The following CYP19A1 variants were observed in gnomAD, a reference collection of about 807,000 sequenced individuals.
The protein encoded by CYP19A1 is cytochrome P450 family 19 subfamily A member 1.
In CYP19A1, 32 loss-of-function variants were observed where a neutral mutation model predicts 44.4. The observed-to-expected ratio is 0.72, with a 90% CI of 0.54 to 0.97. The LOEUF is 0.97. CYP19A1 is among the 50% of genes least tolerant of loss of function. The pLI is 0.00. For missense variants in CYP19A1, 598 were observed against 637.8 expected (o/e 0.94, Z 0.67); for synonymous variants, 212 against 215.6 (o/e 0.98, Z 0.14).
At chr15:51,234,446 C>G (rs2033250967) in intron 3 of CYP19A1, among the ~76,000 whole-genome samples, 1 of 152,116 alleles carries the variant, frequency 6.6e-6, no homozygotes, top group East Asian at 1.9e-4. Context: ...GCGGAGTGGT[C>G]AGATGCCACC....
chr15:51,325,730 T>G (rs991102896), intron 1 of CYP19A1, among the ~76,000 whole-genome samples: 4 of 149,424 alleles, frequency 2.7e-5, no homozygotes, highest in Non-Finnish European at 5.9e-5. Context: ...CCCAGCTACT[T>G]GGGAGACTGA....
intron 1 of CYP19A1, among the ~76,000 whole-genome samples, chr15:51,304,269 C>T (rs1195203585): frequency 6.6e-6 from 1 of 152,168 alleles, no homozygotes; most frequent in Non-Finnish European, 1.5e-5. Context: ...GCTAAATTTG[C>T]ACAAGTGATA....
At chr15:51,290,420 T>G (rs1021180371) in intron 1 of CYP19A1, among the ~76,000 whole-genome samples, 2 of 152,180 alleles carry the variant, frequency 1.3e-5, no homozygotes, top group African/African-American at 4.8e-5. Flanking sequence ...CCTTTTTTAT[T>G]CCTAAGTCTT....
At chr15:51,277,175 A>C (rs2035343176) in intron 1 of CYP19A1, 2 of 152,238 alleles carry the variant, frequency 1.3e-5, no homozygotes, top group South Asian at 4.1e-4. Flanking sequence ...GTTTTCTTAG[A>C]TCTGCAGTAT....
chr15:51,227,744 C>G, intron 4 of CYP19A1, 35 bp downstream of exon 4: 1 of 789,822 alleles, frequency 1.3e-6, no homozygotes, highest in Non-Finnish European at 2.1e-6. Context: ...CATTCATAGA[C>G]AAAAAAGATT....
intron 1 of CYP19A1, among the ~76,000 whole-genome samples, chr15:51,264,833 A>G (rs1212827108): frequency 6.6e-6 from 1 of 152,176 alleles, no homozygotes; most frequent in African/African-American, 2.4e-5. Flanking sequence ...ATCAGTTTGG[A>G]TACTTCATAG....
At chr15:51,326,787 G>A (rs908777467) in intron 1 of CYP19A1, among the ~76,000 whole-genome samples, 3 of 152,222 alleles carry the variant, frequency 2.0e-5, no homozygotes, top group African/African-American at 7.2e-5. Flanking sequence ...TTTGGAAGGG[G>A]CCAGGGCAAT....
At chr15:51,296,532 T>C (rs929447886) in intron 1 of CYP19A1, among the ~76,000 whole-genome samples, 2 of 152,234 alleles carry the variant, frequency 1.3e-5, no homozygotes, top group African/African-American at 4.8e-5. Context: ...ATGGGGCCAG[T>C]GTACATCCGC....
chr15:51,323,443 T>C lies in CYP19A1; in HGVS notation c.-39+15052A>G, dbSNP rs149831781. ...ATGATAAACGGAGATGGAACTGTTT[T>C]ATGGCATGAAAACCTTCCAGCACAA... On this transcript the variant is annotated intron_variant, in intron 1 of 9. Transcript: ENST00000396402. Among the ~76,000 whole-genome samples, 663 of 151,716 alleles carry C rather than the reference T, an allele frequency of 4.4e-3. 4 individuals are homozygous for C. Among genetic ancestry groups the C allele is most frequent in the Middle Eastern group, 6.9e-3 (2 of 288 alleles).
intron 1 of CYP19A1, among the ~76,000 whole-genome samples, chr15:51,290,901 C>T (rs2035828613): frequency 6.6e-6 from 1 of 152,136 alleles, no homozygotes; most frequent in East Asian, 1.9e-4. Context: ...GGATCTTTGC[C>T]CTGAGGACCA....
At chr15:51,217,018 C>G (rs1295315883) in intron 6 of CYP19A1, among the ~76,000 whole-genome samples, 1 of 152,204 alleles carries the variant, frequency 6.6e-6, no homozygotes, top group African/African-American at 2.4e-5. Context: ...CTTCCAAATT[C>G]TAATTGACAT....
chr15:51,257,073 G>T (rs1262761253), intron 1 of CYP19A1, among the ~76,000 whole-genome samples: 1 of 152,188 alleles, frequency 6.6e-6, no homozygotes, highest in Non-Finnish European at 1.5e-5. Flanking sequence ...GAGTGGCAAG[G>T]GTGCTTTAGG....
intron 6 of CYP19A1, among the ~76,000 whole-genome samples, chr15:51,216,704 G>A (rs2031616603): frequency 6.6e-6 from 1 of 152,150 alleles, no homozygotes; most frequent in African/African-American, 2.4e-5. Flanking sequence ...AATATGTGTT[G>A]AATGAATTAC....
chr15:51,333,838 G>A (rs1456022225), intron 1 of CYP19A1, among the ~76,000 whole-genome samples: 3 of 152,174 alleles, frequency 2.0e-5, no homozygotes, highest in Non-Finnish European at 4.4e-5. Flanking sequence ...CTGGAGAGGT[G>A]AGGCATATCT....
intron 1 of CYP19A1, chr15:51,321,668 T>C (rs1295927844): frequency 1.3e-5 from 2 of 152,358 alleles, no homozygotes; most frequent in Non-Finnish European, 2.9e-5. Flanking sequence ...TGAAGTCAGA[T>C]ATCAAACATT....
At position 51,209,775 on chromosome 15, in the gene CYP19A1, A is replaced by AGGC. The variant is rs2030750319; in HGVS notation, c.*1032_*1033insGCC. On this transcript the variant is annotated 3_prime_UTR_variant, in exon 10 of 10. Transcript: ENST00000396402. ...ATCTGTTGCCCTTGGCTTTGGGGTC[A>AGGC]TGGGAAGAAAGAGGGAGAAAATGTC... is the stretch of plus-strand genomic sequence containing the variant. The AGGC allele has an allele frequency of 1.3e-5, 2 of 153,490 alleles. No individual in the cohort carries two copies. The highest frequency in any genetic ancestry group is 4.8e-5 in the African/African-American group (2 of 41,440). 9.5% of individuals were successfully genotyped at this position (153,490 alleles called of 1,614,324 possible).
intron 1 of CYP19A1, among the ~76,000 whole-genome samples, chr15:51,303,343 T>C (rs1053024730): frequency 5.9e-5 from 9 of 152,026 alleles, no homozygotes; most frequent in African/African-American, 2.2e-4. Flanking sequence ...AGCCCCTTAG[T>C]ACTCTGAACT....
At chr15:51,213,910 TA>T (rs1169396098) in intron 8 of CYP19A1, among the ~76,000 whole-genome samples, 1 of 152,100 alleles carries the variant, frequency 6.6e-6, no homozygotes, top group Non-Finnish European at 1.5e-5. Context: ...GAGAACCTGC[TA>T]GGAGGCACTC....
At chr15:51,285,585 G>A (rs1414079496) in intron 1 of CYP19A1, among the ~76,000 whole-genome samples, 1 of 152,206 alleles carries the variant, frequency 6.6e-6, no homozygotes, top group African/African-American at 2.4e-5. Flanking sequence ...GTGGCCTCTG[G>A]AATGGGTCTA....
Sources: allele counts gnomAD v4.1 joint callset (sites outside exome capture counted in the v4.1 genomes callset), GRCh38; gene constraint gnomAD v4.1.1; transcripts MANE v1.5; gene names NCBI Gene and HGNC (gene_info 2026-07-23, HGNC 2026-07-21).